Variants in CSNK2A2IP observed in about 807,000 individuals in gnomAD.
The protein encoded by CSNK2A2IP is casein kinase II subunit alpha'-interacting protein.
At chr3:88,445,105 C>T in the CSNK2A2IP span, among the ~76,000 whole-genome samples, 2 of 151,716 alleles carry the variant, frequency 1.3e-5, no homozygotes, top group East Asian at 1.9e-4. Flanking sequence ...ACTTCATTAA[C>T]GAGTAAGAAA....
At chr3:88,459,868 T>A in the CSNK2A2IP span, among the ~76,000 whole-genome samples, 3 of 152,166 alleles carry the variant, frequency 2.0e-5, no homozygotes, top group Admixed American at 2.0e-4. Flanking sequence ...TTGTTTTTTT[T>A]AAGATCAACT....
the CSNK2A2IP span, among the ~76,000 whole-genome samples, chr3:88,405,884 T>A: frequency 6.6e-6 from 1 of 152,132 alleles, no homozygotes; most frequent in Non-Finnish European, 1.5e-5. Context: ...GGATGAAAAG[T>A]CTAAGCATTC....
the CSNK2A2IP span, among the ~76,000 whole-genome samples, chr3:88,424,102 C>T: frequency 2.6e-5 from 4 of 152,288 alleles, no homozygotes; most frequent in Admixed American, 2.0e-4. Context: ...AATCTCAACT[C>T]TTACTTGTCC....
the CSNK2A2IP span, among the ~76,000 whole-genome samples, chr3:88,388,176 C>T: frequency 1.9e-4 from 29 of 152,154 alleles, no homozygotes; most frequent in Non-Finnish European, 3.1e-4. Flanking sequence ...TCCATGACGT[C>T]TTTGCTGATT....
the CSNK2A2IP span, chr3:88,466,295 A>C: frequency 2.4e-6 from 3 of 1,231,752 alleles, no homozygotes; most frequent in Non-Finnish European, 3.0e-6. Flanking sequence ...CACCCATCTG[A>C]GAATTTACCA....
At chr3:88,357,636 T>C in the CSNK2A2IP span, among the ~76,000 whole-genome samples, 1 of 152,176 alleles carries the variant, frequency 6.6e-6, no homozygotes, top group African/African-American at 2.4e-5. Flanking sequence ...GTTATTTTGA[T>C]AAGGATTGCA....
the CSNK2A2IP span, among the ~76,000 whole-genome samples, chr3:88,464,486 T>G: frequency 6.6e-6 from 1 of 151,300 alleles, no homozygotes; most frequent in Non-Finnish European, 1.5e-5. Context: ...GGAAAAAAAA[T>G]AAGAGGATAA....
chr3:88,372,083 G>C, the CSNK2A2IP span, among the ~76,000 whole-genome samples: 1 of 151,572 alleles, frequency 6.6e-6, no homozygotes, highest in Non-Finnish European at 1.5e-5. Flanking sequence ...AAAAGGGCCA[G>C]ATATTATACA....
the CSNK2A2IP span, among the ~76,000 whole-genome samples, chr3:88,381,308 C>T: frequency 2.0e-4 from 31 of 152,266 alleles, no homozygotes; most frequent in Admixed American, 2.0e-3. Flanking sequence ...CTTGGATATT[C>T]CTCCTTGAAA....
the CSNK2A2IP span, among the ~76,000 whole-genome samples, chr3:88,406,964 T>G: frequency 2.9e-3 from 436 of 152,312 alleles, 5 homozygotes; most frequent in African/African-American, 9.7e-3. Context: ...TTGCTTTGCT[T>G]TGGCTCTGGC....
chr3:88,399,604 T>G, the CSNK2A2IP span: 1 of 152,236 alleles, frequency 6.6e-6, no homozygotes, highest in Admixed American at 6.5e-5. Context: ...TAAAACTGAT[T>G]CTTCCTGGCA....
chr3:88,421,931 A>C, the CSNK2A2IP span, among the ~76,000 whole-genome samples: 1 of 152,196 alleles, frequency 6.6e-6, no homozygotes, highest in Non-Finnish European at 1.5e-5. Flanking sequence ...ATAAATATTC[A>C]TATTATTTCC....
chr3:88,462,606 C>G, the CSNK2A2IP span, among the ~76,000 whole-genome samples: 1 of 152,034 alleles, frequency 6.6e-6, no homozygotes, highest in Non-Finnish European at 1.5e-5. Context: ...CTACAGAAAA[C>G]AGTGAATTAA....
At chr3:88,380,214 A>C in the CSNK2A2IP span, among the ~76,000 whole-genome samples, 1 of 152,060 alleles carries the variant, frequency 6.6e-6, no homozygotes, top group Non-Finnish European at 1.5e-5. Flanking sequence ...AAAAAGCAAA[A>C]ATAATTTTTA....
the CSNK2A2IP span, among the ~76,000 whole-genome samples, chr3:88,351,634 A>G: frequency 6.6e-6 from 1 of 152,130 alleles, no homozygotes; most frequent in Non-Finnish European, 1.5e-5. Context: ...ACTTAACAAT[A>G]TGTAGTCATT....
the CSNK2A2IP span, among the ~76,000 whole-genome samples, chr3:88,398,412 C>T: frequency 3.9e-5 from 6 of 152,172 alleles, no homozygotes; most frequent in South Asian, 1.2e-3. Flanking sequence ...AATATTAATG[C>T]TGAAGGACCC....
the CSNK2A2IP span, among the ~76,000 whole-genome samples, chr3:88,371,838 T>C: frequency 6.6e-6 from 1 of 151,686 alleles, no homozygotes; most frequent in Non-Finnish European, 1.5e-5. Context: ...CAGGGGACTA[T>C]GATAAAATTA....
At chr3:88,456,163 T>C in the CSNK2A2IP span, among the ~76,000 whole-genome samples, 52 of 152,202 alleles carry the variant, frequency 3.4e-4, no homozygotes, top group Non-Finnish European at 4.7e-4. Context: ...CTGTTCAAGA[T>C]TGCTTTAGCT....
At chr3:88,393,229 T>G in the CSNK2A2IP span, among the ~76,000 whole-genome samples, 1 of 152,352 alleles carries the variant, frequency 6.6e-6, no homozygotes, top group East Asian at 1.9e-4. Context: ...CAGGTAAACT[T>G]ACTCAGTCTT....
Sources: allele counts gnomAD v4.1 joint callset (sites outside exome capture counted in the v4.1 genomes callset), GRCh38; gene constraint gnomAD v4.1.1; transcripts MANE v1.5; gene names NCBI Gene and HGNC (gene_info 2026-07-23, HGNC 2026-07-21).